RAD54L2: variants seen among roughly 807,000 people sequenced by gnomAD.
RAD54L2 encodes helicase ARIP4.
In RAD54L2, 27 loss-of-function variants were observed where a neutral mutation model predicts 138.4. The observed-to-expected ratio is 0.20, with a 90% CI of 0.14 to 0.27. RAD54L2 has a LOEUF of 0.27. Ranked by LOEUF, RAD54L2 falls within the 10% of genes least tolerant of loss-of-function variation. The pLI is 1.00. For missense variants in RAD54L2, 1,396 were observed against 1,890.2 expected (o/e 0.74, Z 4.85); for synonymous variants, 644 against 723.2 (o/e 0.89, Z 1.76).
chr3:51,643,401 C>T (rs946788336), intron 15 of RAD54L2, among the ~76,000 whole-genome samples: 10 of 152,178 alleles, frequency 6.6e-5, no homozygotes, highest in African/African-American at 2.4e-4. Context: ...CCTACTGTTC[C>T]AGATGTATTT....
Position 51,600,133 on chromosome 3 carries a change from G to A in RAD54L2, c.139+9574G>A, listed in dbSNP as rs144825303. Among the ~76,000 whole-genome samples the A allele has an allele frequency of 4.1e-3, 626 of 151,930 alleles. 8 individuals are homozygous for A. Among genetic ancestry groups the A allele is most frequent in the Non-Finnish European group, 7.1e-3 (483 of 67,950 alleles). ...TTTTTAGTATATTTTTAGTAGAGAC[G>A]GGGTTTCACCATGCTGGCCAGGCTG... On this transcript the variant is annotated intron_variant, in intron 3 of 22. Coordinates refer to ENST00000684192, the MANE Select transcript of RAD54L2 (RefSeq NM_015106.4).
chr3:51,619,541 A>G (rs1183017077), intron 3 of RAD54L2, among the ~76,000 whole-genome samples: 4 of 151,560 alleles, frequency 2.6e-5, no homozygotes, highest in East Asian at 1.9e-4. Flanking sequence ...TACTTTACCA[A>G]CAATGTCCTT....
intron 2 of RAD54L2, among the ~76,000 whole-genome samples, chr3:51,589,077 C>G: frequency 6.6e-6 from 1 of 152,264 alleles, no homozygotes; most frequent in African/African-American, 2.4e-5. Flanking sequence ...TAGAATAGCA[C>G]CTGCGATTAT....
intron 19 of RAD54L2, among the ~76,000 whole-genome samples, chr3:51,655,168 A>G (rs1451282181): frequency 6.6e-6 from 1 of 152,122 alleles, no homozygotes; most frequent in Non-Finnish European, 1.5e-5. Context: ...TTATGTGCCA[A>G]TCTTCAGTCA....
chr3:51,586,910 G>A (rs1459070028), intron 2 of RAD54L2, among the ~76,000 whole-genome samples: 1 of 151,926 alleles, frequency 6.6e-6, no homozygotes, highest in Non-Finnish European at 1.5e-5. Flanking sequence ...AAAGAGAGGG[G>A]TTGTGCTGTT....
Position 51,553,647 on chromosome 3 carries a change from C to T in RAD54L2, c.-55+11997C>T, listed in dbSNP as rs552459717. 7.9e-5 allele frequency among the ~76,000 whole-genome samples: 12 copies of T among 152,220 alleles called. No individual in the cohort carries two copies. In the South Asian group the frequency reaches 1.5e-3, roughly 18 times the overall value. ...TTCAAGACTAGTCTGGGCAGCATAACGAGACCCTGTCTCTACAAAACGTTT... is the reference window on the plus strand; with the variant it reads ...TTCAAGACTAGTCTGGGCAGCATAATGAGACCCTGTCTCTACAAAACGTTT... On this transcript the variant is annotated intron_variant, in intron 2 of 22. Transcript: ENST00000684192.
At chr3:51,608,836 A>G (rs887472616) in intron 3 of RAD54L2, among the ~76,000 whole-genome samples, 2 of 152,156 alleles carry the variant, frequency 1.3e-5, no homozygotes, top group Admixed American at 1.3e-4. Context: ...GCTTGGCATC[A>G]GAGGGAGACC....
intron 2 of RAD54L2, among the ~76,000 whole-genome samples, chr3:51,579,050 C>T (rs924654645): frequency 6.6e-6 from 1 of 152,264 alleles, no homozygotes; most frequent in Admixed American, 6.5e-5. Flanking sequence ...GACTCCTCTC[C>T]GAAGCTACAC....
At chr3:51,548,110 T>C (rs1577380439) in intron 2 of RAD54L2, among the ~76,000 whole-genome samples, 1 of 151,916 alleles carries the variant, frequency 6.6e-6, no homozygotes, top group African/African-American at 2.4e-5. Context: ...GGCAGGCTGG[T>C]CTTGAACTCC....
intron 2 of RAD54L2, among the ~76,000 whole-genome samples, chr3:51,571,704 G>A (rs1217487379): frequency 6.6e-6 from 1 of 152,102 alleles, no homozygotes; most frequent in Non-Finnish European, 1.5e-5. Flanking sequence ...GGTGGGACAT[G>A]CATAGTCGGT....
At chr3:51,564,792 TAAAA>T (rs1577391217) in intron 2 of RAD54L2, among the ~76,000 whole-genome samples, 1 of 152,006 alleles carries the variant, frequency 6.6e-6, no homozygotes, top group South Asian at 2.1e-4. Context: ...TTTTTAAAAT[TAAAA>T]AAAGAAAGAA....
chr3:51,648,046 G>A (rs986907325), intron 19 of RAD54L2, among the ~76,000 whole-genome samples: 7 of 152,202 alleles, frequency 4.6e-5, no homozygotes, highest in Non-Finnish European at 1.0e-4. Flanking sequence ...TCCTAGCCAA[G>A]GGAAGCCATG....
chr3:51,577,785 G>A lies in RAD54L2; in HGVS notation c.-54-12582G>A, dbSNP rs370509855. Among the ~76,000 whole-genome samples the A allele has an allele frequency of 4.8e-4, 73 of 152,240 alleles. 1 individual carries two copies. In the Middle Eastern group the frequency reaches 0.01, roughly 21 times the overall value. On this transcript the variant is annotated intron_variant, in intron 2 of 22. Coordinates refer to ENST00000684192, the MANE Select transcript of RAD54L2 (RefSeq NM_015106.4). ...GTGGGCTCCACCCAGTGTCCGACAA[G>A]CCCCAGTGAGATGAACCTGGTACCT... is the stretch of plus-strand genomic sequence containing the variant.
Position 51,666,393 on chromosome 3 carries a change from T to C in RAD54L2, c.*2973T>C, listed in dbSNP as rs1701913016. ...ACACTTGGTGGTGTCTTCCACCCAT[T>C]ATCCAGGCCTGAGGGGGGCAGGGTG... On this transcript the variant is annotated 3_prime_UTR_variant, in exon 23 of 23. Coordinates refer to ENST00000684192, the MANE Select transcript of RAD54L2 (RefSeq NM_015106.4). 6.6e-6 allele frequency: 1 copy of C among 151,936 alleles called. No individual in the cohort carries two copies. Among genetic ancestry groups the C allele is most frequent in the African/African-American group, 2.4e-5 (1 of 41,332 alleles). 9.4% of individuals were successfully genotyped at this position (151,936 alleles called of 1,614,324 possible).
Position 51,660,690 on chromosome 3 carries a change from C to CCAT in RAD54L2, c.3409+572_3409+573insCAT, listed in dbSNP as rs578148251. 6.0e-4 allele frequency among the ~76,000 whole-genome samples: 90 copies of CCAT among 150,142 alleles called. 1 individual carries two copies. The highest frequency in any genetic ancestry group is 1.5e-3 in the African/African-American group (63 of 40,736). ...AGGCTGGAGTGCAATGGTGCAATCT[C>CCAT]GGCTCACTGCAACCTCCTCCTCCCA... On this transcript the variant is annotated intron_variant, in intron 22 of 22. Coordinates refer to ENST00000684192, the MANE Select transcript of RAD54L2 (RefSeq NM_015106.4).
chr3:51,542,708 C>T (rs566282053), intron 2 of RAD54L2, among the ~76,000 whole-genome samples: 1 of 152,254 alleles, frequency 6.6e-6, no homozygotes, highest in East Asian at 1.9e-4. Context: ...CGTGATCCGC[C>T]CGTCTTGGCC....
chr3:51,663,544 A>T lies in RAD54L2; in HGVS notation c.*124A>T. ...GGAGGGAAAAGGAAGAGGACAAAGG[A>T]GGGTGGTTGGCCAAAGTGGCAGAGC... On this transcript the variant is annotated 3_prime_UTR_variant, in exon 23 of 23. Transcript: ENST00000684192. 6.1e-6 allele frequency: 5 copies of T among 814,898 alleles called. No homozygotes were observed. Among genetic ancestry groups the T allele is most frequent in the East Asian group, 5.9e-5 (1 of 16,954 alleles). 50.5% of individuals were successfully genotyped at this position (814,898 alleles called of 1,614,324 possible). A position where few individuals can be genotyped will look rare whatever the true frequency, so the allele number is the denominator to read the frequency against.
At position 51,640,630 on chromosome 3, in the gene RAD54L2, A is replaced by G. The variant is rs111519451; in HGVS notation, c.2231+631A>G. On this transcript the variant is annotated intron_variant, in intron 14 of 22. Coordinates refer to ENST00000684192, the MANE Select transcript of RAD54L2 (RefSeq NM_015106.4). ...CAGGAGCCTCAGAGTGAGGGCTTCC[A>G]CATGTGACACACTTTGAGAGGACAG... Among the ~76,000 whole-genome samples the G allele has an allele frequency of 6.2e-3, 941 of 152,350 alleles. 7 individuals are homozygous for G. The highest frequency in any genetic ancestry group is 0.021 in the African/African-American group (886 of 41,588).
chr3:51,554,635 G>T (rs930301839), intron 2 of RAD54L2, among the ~76,000 whole-genome samples: 2 of 152,148 alleles, frequency 1.3e-5, no homozygotes, highest in African/African-American at 4.8e-5. Context: ...GTTTGTGGTG[G>T]AAAATTTGCA....
Sources: gnomAD v4.1 joint callset for allele counts (sites outside exome capture counted in the v4.1 genomes callset) on GRCh38, gnomAD v4.1.1 for gene constraint, MANE v1.5 for transcripts, NCBI Gene and HGNC (gene_info 2026-07-23, HGNC 2026-07-21) for gene names.